LRRTM4: variants seen among roughly 807,000 people sequenced by gnomAD.
LRRTM4 encodes the protein leucine rich repeat transmembrane neuronal 4.
Under a neutral mutation model 47.6 loss-of-function variants are expected in LRRTM4, and 25 were observed. The ratio of observed to expected loss-of-function variants is 0.53; its 90% CI spans 0.38 to 0.73. The LOEUF (loss-of-function observed/expected upper bound fraction) is 0.73, where lower values mean the gene tolerates loss of function less well. LRRTM4 is among the 30% of genes least tolerant of loss of function. The probability of loss-of-function intolerance (pLI) is 0.00; values close to 1 mark genes in which losing one functional copy is unlikely to be tolerated. For synonymous variants in LRRTM4, 311 were observed against 269.5 expected (o/e 1.15, Z -1.51); for missense variants, 638 against 713.4 (o/e 0.89, Z 1.20).
At chr2:77,521,972 G>A in intron 1 of LRRTM4, 137 bp downstream of exon 1, 3 of 644,762 alleles carry the variant, frequency 4.7e-6, no homozygotes, top group Admixed American at 4.9e-5. Context: ...GGGCCTCTAG[G>A]CTCTGAGGAC....
chr2:77,411,420 G>GTTTC (rs1553440929), intron 3 of LRRTM4, among the ~76,000 whole-genome samples: 77 of 120,358 alleles, frequency 6.4e-4, no homozygotes, highest in East Asian at 2.0e-3. Flanking sequence ...TCTCTTTCTT[G>GTTTC]TTTCTCTCTC....
chr2:76,881,321 T>C (rs1381713833), intron 3 of LRRTM4, among the ~76,000 whole-genome samples: 1 of 152,096 alleles, frequency 6.6e-6, no homozygotes, highest in Non-Finnish European at 1.5e-5. Context: ...ATTCACAGAA[T>C]TTACTATTCA....
intron 3 of LRRTM4, among the ~76,000 whole-genome samples, chr2:76,863,908 A>C (rs976700852): frequency 6.6e-6 from 1 of 152,188 alleles, no homozygotes; most frequent in African/African-American, 2.4e-5. Context: ...CATCTCATTT[A>C]ATAAGAATAA....
At chr2:76,886,034 G>A (rs6743766) in intron 3 of LRRTM4, among the ~76,000 whole-genome samples, 41,656 of 151,982 alleles carry the variant, frequency 0.27, 6,622 homozygotes, top group African/African-American at 0.43. Flanking sequence ...AAAATTTAAA[G>A]AATTGCTCAA....
intron 3 of LRRTM4, among the ~76,000 whole-genome samples, chr2:77,105,915 T>A (rs1021774068): frequency 6.6e-6 from 1 of 152,206 alleles, no homozygotes; most frequent in African/African-American, 2.4e-5. Flanking sequence ...AATCTTCAAT[T>A]TATAATTTCT....
At chr2:77,373,285 G>A (rs1672686815) in intron 3 of LRRTM4, among the ~76,000 whole-genome samples, 1 of 151,152 alleles carries the variant, frequency 6.6e-6, no homozygotes, top group African/African-American at 2.4e-5. Flanking sequence ...TGTGAAAGAA[G>A]TAAATAATAT....
chr2:76,785,079 A>G (rs1417752145), intron 3 of LRRTM4, among the ~76,000 whole-genome samples: 3 of 152,132 alleles, frequency 2.0e-5, no homozygotes, highest in Admixed American at 2.0e-4. Flanking sequence ...GCAATAAACT[A>G]TTAAGATGTG....
In LRRTM4 at chr2:77,163,151, A is replaced by G. The variant is rs1446553342; in HGVS notation, c.1551+355167T>C. 3.9e-5 allele frequency among the ~76,000 whole-genome samples: 6 copies of G among 152,220 alleles called. No homozygotes were observed. In the East Asian group the frequency reaches 1.2e-3, roughly 29 times the overall value. ...ACCTTAAATAACCTGATGGAGCTGA[A>G]AACCATGGCACGAGAACTATGTGAC... On this transcript the variant is annotated intron_variant, in intron 3 of 3. Transcript: ENST00000409884.
chr2:77,023,315 G>T (rs1025525592), intron 3 of LRRTM4, among the ~76,000 whole-genome samples: 4 of 152,178 alleles, frequency 2.6e-5, no homozygotes, highest in African/African-American at 9.6e-5. Flanking sequence ...GATGGGAGAG[G>T]CTGCCGCAAA....
At chr2:77,018,898 A>G (rs746182652) in intron 3 of LRRTM4, among the ~76,000 whole-genome samples, 6 of 152,130 alleles carry the variant, frequency 3.9e-5, no homozygotes, top group East Asian at 3.9e-4. Flanking sequence ...TAATTTTACA[A>G]TGGATTTGTG....
chr2:77,122,068 G>A (rs1349788606), intron 3 of LRRTM4, among the ~76,000 whole-genome samples: 1 of 151,654 alleles, frequency 6.6e-6, no homozygotes, highest in Non-Finnish European at 1.5e-5. Flanking sequence ...ATTCTACCCA[G>A]TATGTATTAC....
At chr2:77,391,634 T>C (rs1488165794) in intron 3 of LRRTM4, among the ~76,000 whole-genome samples, 1 of 152,000 alleles carries the variant, frequency 6.6e-6, no homozygotes, top group Non-Finnish European at 1.5e-5. Flanking sequence ...CATCATTCAC[T>C]ATAGCCAAGA....
At chr2:77,441,094 T>C (rs974498502) in intron 3 of LRRTM4, among the ~76,000 whole-genome samples, 2 of 152,184 alleles carry the variant, frequency 1.3e-5, no homozygotes, top group Non-Finnish European at 2.9e-5. Flanking sequence ...AATAAATTGG[T>C]ACAAAGTCTG....
At chr2:77,231,069 G>T (rs1674948456) in intron 3 of LRRTM4, among the ~76,000 whole-genome samples, 1 of 152,024 alleles carries the variant, frequency 6.6e-6, no homozygotes, top group Non-Finnish European at 1.5e-5. Context: ...TAAAATATTT[G>T]TTTATTTTTA....
intron 3 of LRRTM4, among the ~76,000 whole-genome samples, chr2:77,159,576 A>G (rs1264064358): frequency 3.3e-5 from 5 of 151,776 alleles, no homozygotes; most frequent in African/African-American, 1.2e-4. Flanking sequence ...ATATATATTT[A>G]CTATTCATTA....
At chr2:77,345,399 C>T (rs1030962025) in intron 3 of LRRTM4, among the ~76,000 whole-genome samples, 1 of 151,566 alleles carries the variant, frequency 6.6e-6, no homozygotes, top group Non-Finnish European at 1.5e-5. Flanking sequence ...AAATCACACA[C>T]CTTAAAAAGA....
At chr2:77,170,433 G>C (rs187990509) in intron 3 of LRRTM4, among the ~76,000 whole-genome samples, 2 of 152,234 alleles carry the variant, frequency 1.3e-5, no homozygotes, top group East Asian at 1.9e-4. Flanking sequence ...TCACGAAATA[G>C]ATTTTCCCAT....
At chr2:77,111,944 G>C (rs951032777) in intron 3 of LRRTM4, among the ~76,000 whole-genome samples, 2 of 152,160 alleles carry the variant, frequency 1.3e-5, no homozygotes, top group African/African-American at 4.8e-5. Context: ...ATAGAATTTA[G>C]GAATGCCCAT....
chr2:77,131,171 T>C (rs193163094), intron 3 of LRRTM4, among the ~76,000 whole-genome samples: 3 of 152,244 alleles, frequency 2.0e-5, no homozygotes, highest in Admixed American at 2.0e-4. Flanking sequence ...TTCGTACGTA[T>C]AACACAATAG....
Sources: allele counts gnomAD v4.1 joint callset (sites outside exome capture counted in the v4.1 genomes callset), GRCh38; gene constraint gnomAD v4.1.1; transcripts MANE v1.5; gene names NCBI Gene and HGNC (gene_info 2026-07-23, HGNC 2026-07-21).